The following TTLL9 variants were observed in gnomAD, a reference collection of about 807,000 sequenced individuals.
The protein encoded by TTLL9 is tubulin tyrosine ligase like 9.
TTLL9 carries 47 observed loss-of-function variants against 65.6 expected under a neutral mutation model. The ratio of observed to expected loss-of-function variants is 0.72; its 90% confidence interval spans 0.57 to 0.91. TTLL9 has a LOEUF of 0.91. TTLL9 is among the 40% of genes least tolerant of loss of function. The probability of loss-of-function intolerance (pLI) is 0.00; values close to 1 mark genes in which losing one functional copy is unlikely to be tolerated. For synonymous variants in TTLL9, 179 were observed against 204.8 expected, an observed-to-expected ratio of 0.87 and a Z score of 1.07; for missense variants, 537 against 568.8, an observed-to-expected ratio of 0.94 and a Z score of 0.57.
chr20:31,917,951 A>G (rs921373530), intron 6 of TTLL9, among the ~76,000 whole-genome samples: 2 of 152,112 alleles, frequency 1.3e-5, no homozygotes, highest in African/African-American at 4.8e-5. Context: ...TATTGTGCTT[A>G]TCTGGGAGGG....
At chr20:31,925,136 C>G in intron 9 of TTLL9, 87 bp downstream of exon 9, 1 of 1,349,654 alleles carries the variant, frequency 7.4e-7, no homozygotes, top group Non-Finnish European at 1.0e-6. Context: ...CTGGGGGTAC[C>G]TTGTGTGAGC....
At chr20:31,915,791 A>C (rs188572112) in intron 6 of TTLL9, among the ~76,000 whole-genome samples, 1 of 151,974 alleles carries the variant, frequency 6.6e-6, no homozygotes, top group East Asian at 1.9e-4. Flanking sequence ...AACGTGTATA[A>C]ATCACGGTGT....
At chr20:31,908,193 T>A (rs990920358) in intron 4 of TTLL9, among the ~76,000 whole-genome samples, 1 of 152,040 alleles carries the variant, frequency 6.6e-6, no homozygotes, top group African/African-American at 2.4e-5. Flanking sequence ...CTCATTCCAC[T>A]GCGGGCTGCA....
chr20:31,909,460 G>C (rs2063611663), intron 5 of TTLL9, among the ~76,000 whole-genome samples: 1 of 152,124 alleles, frequency 6.6e-6, no homozygotes, highest in African/African-American at 2.4e-5. Context: ...GAATTTTGGA[G>C]TCAAGACAGG....
chr20:31,940,487 G>A (rs1254967447), intron 14 of TTLL9: 2 of 152,180 alleles, frequency 1.3e-5, no homozygotes, highest in African/African-American at 4.8e-5. Context: ...CATAGGTCTA[G>A]GGTGGGGCCT....
At chr20:31,925,634 C>T (rs951288844) in intron 9 of TTLL9, among the ~76,000 whole-genome samples, 8 of 152,126 alleles carry the variant, frequency 5.3e-5, no homozygotes, top group African/African-American at 1.9e-4. Context: ...ACAGACTCCA[C>T]CCCTGTTCTC....
intron 4 of TTLL9, among the ~76,000 whole-genome samples, chr20:31,905,763 G>A (rs2063547174): frequency 6.6e-6 from 1 of 152,146 alleles, no homozygotes; most frequent in Non-Finnish European, 1.5e-5. Context: ...GCCGGGCGCG[G>A]TGGCTCACGC....
intron 6 of TTLL9, among the ~76,000 whole-genome samples, chr20:31,914,289 T>C (rs2063700269): frequency 6.6e-6 from 1 of 152,178 alleles, no homozygotes; most frequent in Non-Finnish European, 1.5e-5. Flanking sequence ...TTCTGTACTG[T>C]TTTTATGCCA....
rs148718788 is a variant in TTLL9, at chr20:31,917,834, C to T, written c.505-2030C>T. Among the ~76,000 whole-genome samples, 19 of 152,256 alleles carry T rather than the reference C, an allele frequency of 1.2e-4. No homozygotes were observed. The Middle Eastern group carries it at 0.01, about 82-fold the overall frequency. ...TTAGAGAAAACAAACCTGAGAGGAACCTTCTGGCTGAGTTAGGTCAGAGCC... is the reference window on the plus strand; with the variant it reads ...TTAGAGAAAACAAACCTGAGAGGAATCTTCTGGCTGAGTTAGGTCAGAGCC... On this transcript the variant is annotated intron_variant, in intron 6 of 14. Coordinates refer to ENST00000535842, the MANE Select transcript of TTLL9 (RefSeq NM_001008409.5).
intron 7 of TTLL9, among the ~76,000 whole-genome samples, chr20:31,922,511 C>T (rs1365669525): frequency 6.6e-6 from 1 of 152,210 alleles, no homozygotes; most frequent in African/African-American, 2.4e-5. Flanking sequence ...ATGAACTTGA[C>T]TACTCCAGGG....
At chr20:31,913,424 A>T (rs1320937196) in intron 6 of TTLL9, among the ~76,000 whole-genome samples, 1 of 152,138 alleles carries the variant, frequency 6.6e-6, no homozygotes, top group Non-Finnish European at 1.5e-5. Context: ...AAATTTGGAG[A>T]ATAGAGGGAG....
At position 31,907,844 on chromosome 20, in the gene TTLL9, T is replaced by A. The variant is rs139549836; in HGVS notation, c.207-747T>A. On this transcript the variant is annotated intron_variant, in intron 4 of 14. Transcript: ENST00000535842. The stretch of plus-strand genomic sequence containing the variant: ...GCAGGGATAGACAGGGGGCTTCAGT[T>A]GTATCTGTACTTTTTTACTTAAAAA... Among the ~76,000 whole-genome samples the A allele has an allele frequency of 3.7e-4, 57 of 152,290 alleles. 1 individual carries two copies. The highest frequency in any genetic ancestry group is 1.3e-3 in the African/African-American group (56 of 41,566).
chr20:31,923,102 C>A, intron 8 of TTLL9, 49 bp downstream of exon 8: 1 of 1,439,538 alleles, frequency 6.9e-7, no homozygotes, highest in Non-Finnish European at 9.8e-7. Flanking sequence ...GGTCATCAAA[C>A]AGTCAGTCAA....
chr20:31,932,813 A>G (rs541764778), intron 10 of TTLL9, among the ~76,000 whole-genome samples: 10 of 152,230 alleles, frequency 6.6e-5, no homozygotes, highest in Admixed American at 6.5e-4. Context: ...CCTGGCCAAC[A>G]TGGTGAAACC....
rs2064254735 is a variant in TTLL9 at position 31,943,393 on chromosome 20, G to T, written c.*372G>T. The T allele has an allele frequency of 3.0e-6, 1 of 336,324 alleles. No homozygotes were observed. The highest frequency in any genetic ancestry group is 5.8e-6 in the Non-Finnish European group (1 of 173,426). The allele number at this position is 336,324 out of a possible 1,614,324, so 20.8% of individuals were successfully genotyped here. On this transcript the variant is annotated 3_prime_UTR_variant, in exon 15 of 15. Coordinates refer to ENST00000535842, the MANE Select transcript of TTLL9 (RefSeq NM_001008409.5). ...ACTGGGCACCAGGCCTGGTTCCGGGGATACTGTTGGCTGCAGCCAAGTCCT... is the reference window on the plus strand; with the variant it reads ...ACTGGGCACCAGGCCTGGTTCCGGGTATACTGTTGGCTGCAGCCAAGTCCT...
intron 6 of TTLL9, among the ~76,000 whole-genome samples, chr20:31,913,672 T>TA (rs2063689408): frequency 6.6e-6 from 1 of 152,196 alleles, no homozygotes; most frequent in African/African-American, 2.4e-5. Context: ...TCATTCCGTC[T>TA]ACACCACCCT....
chr20:31,908,007 G>T (rs2123498312), intron 4 of TTLL9, among the ~76,000 whole-genome samples: 1 of 152,292 alleles, frequency 6.6e-6, no homozygotes, highest in East Asian at 1.9e-4. Context: ...TGGAGAATGG[G>T]ATCAGAATTT....
rs377553798 is a variant in TTLL9 at position 31,933,741 on chromosome 20, C to T, written c.749-59C>T. Reference sequence around the variant, plus strand: ...ATTCTCAGTTCAGTCCTGGGGACTTCGTGGGGCAGAGCTCACCCTTTTTGT... The same window carrying T: ...ATTCTCAGTTCAGTCCTGGGGACTTTGTGGGGCAGAGCTCACCCTTTTTGT... On this transcript the variant is annotated intron_variant, in intron 10 of 14. Transcript: ENST00000535842. 6.9e-5 allele frequency: 107 copies of T among 1,551,452 alleles called. 1 individual carries two copies. The African/African-American group carries it at 1.3e-3, about 19-fold the overall frequency.
chr20:31,907,053 G>A (rs553767035), intron 4 of TTLL9, among the ~76,000 whole-genome samples: 4 of 152,258 alleles, frequency 2.6e-5, no homozygotes, highest in East Asian at 1.9e-4. Flanking sequence ...CAAAAGGATC[G>A]ATCTCCAGAA....
Sources: gnomAD v4.1 joint callset for allele counts (sites outside exome capture counted in the v4.1 genomes callset) on GRCh38, gnomAD v4.1.1 for gene constraint, MANE v1.5 for transcripts, NCBI Gene and HGNC (gene_info 2026-07-23, HGNC 2026-07-21) for gene names.